Variants in ACER3 observed in about 807,000 individuals in gnomAD.
The protein encoded by ACER3 is alkCDase 3.
Under a neutral mutation model 48.9 loss-of-function variants are expected in ACER3, and 16 were observed. That is an observed-to-expected ratio of 0.33 (90% CI 0.22 to 0.50). The LOEUF is 0.50. ACER3 is among the 20% of genes least tolerant of loss of function. ACER3 has a pLI of 0.98. For synonymous variants in ACER3, 109 were observed against 107.8 expected, an observed-to-expected ratio of 1.01 and a Z score of -0.07; for missense variants, 227 against 326.0, an observed-to-expected ratio of 0.70 and a Z score of 2.34.
At chr11:76,867,086 G>A (rs899478430) in intron 1 of ACER3, among the ~76,000 whole-genome samples, 2 of 152,126 alleles carry the variant, frequency 1.3e-5, no homozygotes, top group Non-Finnish European at 2.9e-5. Flanking sequence ...CATTCAAAAT[G>A]TTTTATTTAT....
intron 3 of ACER3, among the ~76,000 whole-genome samples, chr11:76,964,536 C>T (rs1222117383): frequency 1.3e-5 from 2 of 151,420 alleles, no homozygotes; most frequent in Admixed American, 6.6e-5. Context: ...CCCTGACCCC[C>T]GAGTAGCCTA....
intron 7 of ACER3, among the ~76,000 whole-genome samples, chr11:77,001,070 CTTTAA>C (rs782205234): frequency 1.7e-4 from 26 of 152,164 alleles, no homozygotes; most frequent in Middle Eastern, 3.4e-3. Context: ...TTATTTAGAT[CTTTAA>C]TTTATTTCAT....
chr11:77,000,782 T>C (rs1555019631), intron 7 of ACER3, among the ~76,000 whole-genome samples: 1 of 152,190 alleles, frequency 6.6e-6, no homozygotes, highest in East Asian at 1.9e-4. Context: ...TGTCTCCCCC[T>C]CCACCAATAC....
chr11:76,898,918 A>C (rs1946008346), intron 1 of ACER3, among the ~76,000 whole-genome samples: 1 of 150,058 alleles, frequency 6.7e-6, no homozygotes, highest in Non-Finnish European at 1.5e-5. Context: ...AAAAAAAAAA[A>C]AAAAAAAAAA....
At chr11:77,001,264 T>C (rs562272042) in intron 7 of ACER3, among the ~76,000 whole-genome samples, 1 of 152,290 alleles carries the variant, frequency 6.6e-6, no homozygotes, top group South Asian at 2.1e-4. Flanking sequence ...TTTTGTTTTT[T>C]GCTTTTTTTG....
chr11:77,026,700 G>T lies in ACER3; in HGVS notation c.*6373G>T, dbSNP rs914951844. The T allele has an allele frequency of 1.3e-5, 2 of 152,046 alleles. No homozygotes were observed. The highest frequency in any genetic ancestry group is 2.9e-5 in the Non-Finnish European group (2 of 68,026). 9.4% of individuals were successfully genotyped at this position (152,046 alleles called of 1,614,324 possible). On this transcript the variant is annotated 3_prime_UTR_variant, in exon 11 of 11. Transcript: ENST00000532485. The stretch of plus-strand genomic sequence containing the variant: ...TTTTTCTAGAAAATAGTAGGATAAT[G>T]TATTTTTTCCTGTCTGCTATAATGG...
intron 1 of ACER3, among the ~76,000 whole-genome samples, chr11:76,888,548 G>C (rs1416566545): frequency 2.6e-5 from 4 of 152,186 alleles, no homozygotes; most frequent in Non-Finnish European, 5.9e-5. Context: ...AACTGTGGAA[G>C]AATCTATTAG....
At chr11:76,951,044 A>G (rs776300135) in intron 2 of ACER3, among the ~76,000 whole-genome samples, 1 of 152,146 alleles carries the variant, frequency 6.6e-6, no homozygotes, top group Non-Finnish European at 1.5e-5. Flanking sequence ...CTTCATTCAT[A>G]TCCTTACCAT....
intron 2 of ACER3, among the ~76,000 whole-genome samples, chr11:76,933,856 C>T (rs11237022): frequency 0.059 from 8,689 of 146,332 alleles, 131 homozygotes; most frequent in Middle Eastern, 0.1. Context: ...CCAGACGGGG[C>T]GGCTGCCGGG....
chr11:76,968,884 C>G (rs1432688534), intron 3 of ACER3, among the ~76,000 whole-genome samples: 1 of 152,142 alleles, frequency 6.6e-6, no homozygotes, highest in Non-Finnish European at 1.5e-5. Context: ...TAGGCATGGG[C>G]AAGGACTTCA....
chr11:76,942,571 T>C (rs1947365687), intron 2 of ACER3, among the ~76,000 whole-genome samples: 1 of 152,056 alleles, frequency 6.6e-6, no homozygotes, highest in African/African-American at 2.4e-5. Flanking sequence ...TGATGTGCTG[T>C]TGGATTTGAT....
Position 77,026,560 on chromosome 11 carries a change from T to C in ACER3, c.*6233T>C, listed in dbSNP as rs1236727020. On this transcript the variant is annotated 3_prime_UTR_variant, in exon 11 of 11. Transcript: ENST00000532485. Reference sequence around the variant, plus strand: ...TAGTTGTCGCAGATGTTTGTTCTAGTAGCGATTATTTAATAAACATACATT... The same window carrying C: ...TAGTTGTCGCAGATGTTTGTTCTAGCAGCGATTATTTAATAAACATACATT... 1 of 152,228 alleles carries C rather than the reference T, an allele frequency of 6.6e-6. No individual in the cohort carries two copies. The highest frequency in any genetic ancestry group is 1.5e-5 in the Non-Finnish European group (1 of 68,032). 9.4% of individuals were successfully genotyped at this position (152,228 alleles called of 1,614,324 possible).
intron 2 of ACER3, among the ~76,000 whole-genome samples, chr11:76,946,094 G>A (rs139658169): frequency 9.8e-5 from 15 of 152,292 alleles, no homozygotes; most frequent in African/African-American, 3.6e-4. Context: ...ATGGGCAAGT[G>A]TGAGGAGTGT....
intron 2 of ACER3, among the ~76,000 whole-genome samples, chr11:76,935,290 T>C (rs1947147519): frequency 6.6e-6 from 1 of 152,042 alleles, no homozygotes; most frequent in African/African-American, 2.4e-5. Flanking sequence ...AGTCCCTAGG[T>C]GGCATGGGGG....
chr11:76,985,694 CT>C lies in ACER3; in HGVS notation c.374del (p.Leu125Ter). 1 of 1,567,464 alleles carries C rather than the reference CT, an allele frequency of 6.4e-7. No individual in the cohort carries two copies. The highest frequency in any genetic ancestry group is 8.6e-7 in the Non-Finnish European group (1 of 1,164,702). ...CAGTAAACTACCATCTGCTTTTTACCTTAGTTCTATTCAGTTTAATAGTAAC... is the reference window on the plus strand; with the variant it reads ...CAGTAAACTACCATCTGCTTTTTACCTAGTTCTATTCAGTTTAATAGTAAC... Reference protein sequence around the residue: ...NSVNYHLLFTLVLFSLIVTTV... With the variant: ...NSVNYHLLFTXVLFSLIVTTV... On this transcript the variant is annotated frameshift_variant, in exon 5 of 11. Coordinates refer to ENST00000532485, the MANE Select transcript of ACER3 (RefSeq NM_018367.7). LOFTEE classifies it high-confidence loss of function.
rs1949546321 is a variant in ACER3 at position 77,026,083 on chromosome 11, G to A, written c.*5756G>A. On this transcript the variant is annotated 3_prime_UTR_variant, in exon 11 of 11. Transcript: ENST00000532485. ...AAAAATTACTATGAGCAAGGTCCAT[G>A]ATTTAGTTTTCAATATAAAGGGAAT... 1 of 152,202 alleles carries A rather than the reference G, an allele frequency of 6.6e-6. No individual in the cohort carries two copies. 9.4% of individuals were successfully genotyped at this position (152,202 alleles called of 1,614,324 possible).
intron 1 of ACER3, among the ~76,000 whole-genome samples, chr11:76,923,911 C>T (rs1288009809): frequency 1.3e-5 from 2 of 152,184 alleles, no homozygotes; most frequent in Non-Finnish European, 2.9e-5. Context: ...CTAGTTTGCT[C>T]CTACACATCT....
chr11:76,957,373 C>T (rs1947867803), intron 2 of ACER3: 1 of 340,916 alleles, frequency 2.9e-6, no homozygotes, highest in Non-Finnish European at 5.9e-6. Flanking sequence ...GGATATTAAA[C>T]CTTTGATATA....
intron 1 of ACER3, among the ~76,000 whole-genome samples, chr11:76,884,483 G>A (rs1945623687): frequency 6.6e-6 from 1 of 152,048 alleles, no homozygotes; most frequent in Non-Finnish European, 1.5e-5. Context: ...GTGTTCTTAT[G>A]TTCATTAGTT....
Sources: gnomAD v4.1 joint callset for allele counts (sites outside exome capture counted in the v4.1 genomes callset) on GRCh38, gnomAD v4.1.1 for gene constraint, MANE v1.5 for transcripts, NCBI Gene and HGNC (gene_info 2026-07-23, HGNC 2026-07-21) for gene names.